The following ZNF730 variants were observed in gnomAD, a reference collection of about 807,000 sequenced individuals.
ZNF730 encodes zinc finger protein 730.
A neutral mutation model predicts 12.6 loss-of-function variants in ZNF730; 12 were observed. The observed-to-expected ratio is 0.95, with a 90% CI of 0.61 to 1.54. The LOEUF (loss-of-function observed/expected upper bound fraction) is 1.54. Among genes scored for constraint, ZNF730 ranks in the 40% most tolerant of loss-of-function variants. The pLI is 0.00. For missense variants in ZNF730, 643 were observed against 583.5 expected (o/e 1.10, Z -1.05); for synonymous variants, 194 against 195.8 (o/e 0.99, Z 0.08).
rs762874211 is a variant in ZNF730, at chr19:23,135,941, A to G, written c.131-7A>G. ...GAGCAAGATTCATGTTATTTTTCAT[A>G]AAACAGGTATTGCTGTCTCAAAGCC... On this transcript the variant is annotated splice_polypyrimidine_tract_variant and splice_region_variant and intron_variant, in intron 2 of 3. Transcript: ENST00000597761. The G allele has an allele frequency of 1.9e-6, 3 of 1,607,296 alleles. No individual in the cohort carries two copies. Among genetic ancestry groups the G allele is most frequent in the Non-Finnish European group, 2.6e-6 (3 of 1,176,158 alleles).
At chr19:23,094,807 A>G (rs954495318) in intron 1 of ZNF730, among the ~76,000 whole-genome samples, 1 of 151,840 alleles carries the variant, frequency 6.6e-6, no homozygotes, top group Non-Finnish European at 1.5e-5. Context: ...TGGTCTCACT[A>G]TGTTGTCCAG....
At chr19:23,129,277 C>T (rs1970712263) in intron 1 of ZNF730, among the ~76,000 whole-genome samples, 1 of 152,160 alleles carries the variant, frequency 6.6e-6, no homozygotes, top group Admixed American at 6.5e-5. Context: ...GGTAGATCCA[C>T]TGACAGCTTG....
intron 3 of ZNF730, among the ~76,000 whole-genome samples, chr19:23,141,927 GA>G (rs1488159716): frequency 6.6e-6 from 1 of 152,034 alleles, no homozygotes; most frequent in East Asian, 1.9e-4. Flanking sequence ...TTTTATTACA[GA>G]AAGTGCAATA....
intron 1 of ZNF730, among the ~76,000 whole-genome samples, chr19:23,080,622 G>A (rs538466252): frequency 1.3e-5 from 2 of 151,974 alleles, no homozygotes; most frequent in East Asian, 3.9e-4. Flanking sequence ...TGATCCACCT[G>A]CCTCGGCCTC....
At chr19:23,116,927 GGGGCCTT>G, upstream of ZNF730, 5 of 91,912 alleles carry the variant, frequency 5.4e-5, no homozygotes, top group Non-Finnish European at 1.0e-4. Flanking sequence ...CTGAGGGGGC[GGGGCCTT>G]AAACGTTATC....
At chr19:23,100,758 C>T (rs533628486) in intron 1 of ZNF730, among the ~76,000 whole-genome samples, 48 of 150,042 alleles carry the variant, frequency 3.2e-4, no homozygotes, top group Non-Finnish European at 6.0e-4. Flanking sequence ...TGGGTTCAAG[C>T]GATTCTCCTG....
intron 1 of ZNF730, chr19:23,098,442 A>G (rs1970288528): frequency 6.6e-6 from 1 of 152,184 alleles, no homozygotes; most frequent in Admixed American, 6.5e-5. Flanking sequence ...TCTGCCTGAG[A>G]ACCACATTTT....
At chr19:23,137,004 A>C (rs1386430130) in intron 3 of ZNF730, among the ~76,000 whole-genome samples, 1 of 152,052 alleles carries the variant, frequency 6.6e-6, no homozygotes, top group Non-Finnish European at 1.5e-5. Context: ...CCCTGTCTCT[A>C]CTAAAAATAC....
At chr19:23,137,167 C>A (rs1970846419) in intron 3 of ZNF730, among the ~76,000 whole-genome samples, 1 of 151,776 alleles carries the variant, frequency 6.6e-6, no homozygotes, top group African/African-American at 2.4e-5. Flanking sequence ...GAGACTCTGT[C>A]AAAAAAATAA....
chr19:23,131,749 T>A (rs1970745294), intron 1 of ZNF730, among the ~76,000 whole-genome samples: 1 of 152,178 alleles, frequency 6.6e-6, no homozygotes, highest in Admixed American at 6.5e-5. Flanking sequence ...CTGTATCCTT[T>A]CAAAACCTGC....
In ZNF730 at chr19:23,146,713, G is replaced by GA; in HGVS notation, c.*162dup. On this transcript the variant is annotated 3_prime_UTR_variant, in exon 4 of 4. Transcript: ENST00000597761. ...TAAACATAAGGTAATTCATACTGGA[G>GA]AAAAACCTACAAATGTGAAGAATGT... is the stretch of plus-strand genomic sequence containing the variant. 7.4e-7 allele frequency: 1 copy of GA among 1,355,488 alleles called. No homozygotes were observed. 84.0% of individuals were successfully genotyped at this position (1,355,488 alleles called of 1,614,324 possible). A position where few individuals can be genotyped will look rare whatever the true frequency, so the allele number is the denominator to read the frequency against.
Position 23,146,150 on chromosome 19 carries a change from A to AAT in ZNF730, c.1110_1111dup (p.Lys371IlefsTer19). Reference sequence around the variant, plus strand: ...ACTCATACTGGAGGGAAACCCTACAAATATAAAGAATGTGGTAAAGCTTTT... The same window carrying AAT: ...ACTCATACTGGAGGGAAACCCTACAAATATATAAAGAATGTGGTAAAGCTTTT... On this transcript the variant is annotated frameshift_variant, in exon 4 of 4. Transcript: ENST00000597761. LOFTEE classifies it low-confidence loss of function (END_TRUNC). The AAT allele has an allele frequency of 6.2e-7, 1 of 1,608,166 alleles. No individual in the cohort carries two copies. Among genetic ancestry groups the AAT allele is most frequent in the Non-Finnish European group, 8.5e-7 (1 of 1,176,850 alleles).
intron 1 of ZNF730, among the ~76,000 whole-genome samples, chr19:23,107,448 C>CAAAAAAA (rs1206631075): frequency 1.4e-3 from 7 of 4,944 alleles, no homozygotes; most frequent in Non-Finnish European, 2.1e-3. Flanking sequence ...AAAAAAAATA[C>CAAAAAAA]CAAAAAAAAA....
At chr19:23,142,352 C>G (rs1045406977) in intron 3 of ZNF730, among the ~76,000 whole-genome samples, 1 of 151,946 alleles carries the variant, frequency 6.6e-6, no homozygotes, top group Non-Finnish European at 1.5e-5. Context: ...CAAGTTGGAT[C>G]TTGGTTTTTA....
intron 1 of ZNF730, among the ~76,000 whole-genome samples, chr19:23,099,250 C>T (rs1321980233): frequency 6.6e-6 from 1 of 152,172 alleles, no homozygotes; most frequent in Non-Finnish European, 1.5e-5. Context: ...TGGACCCAGC[C>T]ATTCGGAGAA....
intron 1 of ZNF730, among the ~76,000 whole-genome samples, chr19:23,090,972 C>G (rs1382228495): frequency 6.6e-6 from 1 of 151,680 alleles, no homozygotes; most frequent in Admixed American, 6.6e-5. Context: ...TGCACTCCAT[C>G]CTGGGTGACA....
intron 1 of ZNF730, chr19:23,100,021 ACT>A (rs777762339): frequency 2.6e-5 from 4 of 151,688 alleles, no homozygotes; most frequent in African/African-American, 7.3e-5. Context: ...AAGTTATGTG[ACT>A]CTCTTGCTTG....
chr19:23,142,972 T>A (rs1012235893), intron 3 of ZNF730, among the ~76,000 whole-genome samples: 2 of 151,980 alleles, frequency 1.3e-5, no homozygotes, highest in Non-Finnish European at 2.9e-5. Context: ...TAGCCAGGCG[T>A]GGTGGCTCAC....
At chr19:23,076,822 A>C (rs1157093795) in intron 1 of ZNF730, among the ~76,000 whole-genome samples, 2 of 152,148 alleles carry the variant, frequency 1.3e-5, no homozygotes, top group Non-Finnish European at 2.9e-5. Context: ...TCAACCTAGC[A>C]ATCCAGTTAT....
Sources: gnomAD v4.1 joint callset for allele counts (sites outside exome capture counted in the v4.1 genomes callset) on GRCh38, gnomAD v4.1.1 for gene constraint, MANE v1.5 for transcripts, NCBI Gene and HGNC (gene_info 2026-07-23, HGNC 2026-07-21) for gene names.